CSMD3: variants seen among roughly 807,000 people sequenced by gnomAD.
CSMD3 encodes CUB and sushi domain-containing protein 3.
In CSMD3, 177 loss-of-function variants were observed where a neutral mutation model predicts 435.2. The observed-to-expected ratio is 0.41, with a 90% CI of 0.36 to 0.46. The LOEUF (loss-of-function observed/expected upper bound fraction) is 0.46, where lower values mean the gene tolerates loss of function less well. Ranked by LOEUF, CSMD3 falls within the 20% of genes least tolerant of loss-of-function variation. CSMD3 has a pLI of 0.34. For missense variants in CSMD3, 4,265 were observed against 4,504.6 expected (o/e 0.95, Z 1.52); for synonymous variants, 1,656 against 1,520.5 (o/e 1.09, Z -2.07).
chr8:112,329,997 T>C (rs552181258), intron 45 of CSMD3, among the ~76,000 whole-genome samples: 1 of 152,084 alleles, frequency 6.6e-6, no homozygotes, highest in South Asian at 2.1e-4. Context: ...TCTCTGGACA[T>C]CAAATAATAA....
chr8:113,162,302 G>A (rs1008853510), intron 4 of CSMD3, among the ~76,000 whole-genome samples: 5 of 151,792 alleles, frequency 3.3e-5, no homozygotes, highest in East Asian at 2.0e-4. Context: ...TAGGCCAGGC[G>A]CGGTAGCTCA....
In CSMD3 at chr8:113,153,134, G is replaced by GAAAGAGAAA. The variant is rs1564370995; in HGVS notation, c.709+20587_709+20588insTTTCTCTTT. Among the ~76,000 whole-genome samples, 340 of 94,038 alleles carry GAAAGAGAAA rather than the reference G, an allele frequency of 3.6e-3. 5 individuals carry two copies. The highest frequency in any genetic ancestry group is 0.02 in the African/African-American group (314 of 15,468). 61.7% of individuals were successfully genotyped at this position (94,038 alleles called of 152,430 possible). ...GAAAGAAAGAAAGAAAGAGAAAGAA[G>GAAAGAGAAA]GAAGGAAGGAAGGAAGGAAGGAAGG... On this transcript the variant is annotated intron_variant, in intron 4 of 70. Transcript: ENST00000297405.
intron 9 of CSMD3, among the ~76,000 whole-genome samples, chr8:112,930,648 C>T (rs1179113412): frequency 9.9e-5 from 15 of 152,018 alleles, no homozygotes; most frequent in Non-Finnish European, 2.1e-4. Context: ...TTCTAGTTTA[C>T]AAAGTACTTT....
At chr8:112,937,912 G>A (rs2083335541) in intron 9 of CSMD3, among the ~76,000 whole-genome samples, 3 of 152,064 alleles carry the variant, frequency 2.0e-5, no homozygotes, top group Admixed American at 1.3e-4. Context: ...TTCAAAAATA[G>A]AATAAATACT....
At chr8:113,312,956 A>C (rs530671769) in intron 2 of CSMD3, 1 of 152,326 alleles carries the variant, frequency 6.6e-6, no homozygotes, top group Non-Finnish European at 1.5e-5. Context: ...AAAGAAAAAT[A>C]GAATCTTAGC....
chr8:112,656,940 T>C (rs941910970), intron 17 of CSMD3, among the ~76,000 whole-genome samples: 1 of 152,114 alleles, frequency 6.6e-6, no homozygotes, highest in Non-Finnish European at 1.5e-5. Context: ...GCAGCTCTAT[T>C]AAAGACTTCA....
intron 6 of CSMD3, among the ~76,000 whole-genome samples, chr8:112,990,416 C>T (rs1241801710): frequency 6.6e-6 from 1 of 151,794 alleles, no homozygotes; most frequent in Non-Finnish European, 1.5e-5. Context: ...TTGTCTTTCA[C>T]AAGCCATGTT....
At chr8:112,273,078 C>A (rs1480969877) in intron 59 of CSMD3, among the ~76,000 whole-genome samples, 2 of 152,102 alleles carry the variant, frequency 1.3e-5, no homozygotes, top group Non-Finnish European at 2.9e-5. Context: ...CTATGTTATT[C>A]ATAATCAATC....
chr8:113,153,039 AAAAAG>A (rs1449428036), intron 4 of CSMD3, among the ~76,000 whole-genome samples: 9 of 150,150 alleles, frequency 6.0e-5, no homozygotes, highest in East Asian at 2.0e-4. Context: ...AAAAGAAAGA[AAAAAG>A]AAAAGAAGAG....
At chr8:113,030,688 C>T (rs2087069559) in intron 5 of CSMD3, among the ~76,000 whole-genome samples, 2 of 151,108 alleles carry the variant, frequency 1.3e-5, no homozygotes, top group Admixed American at 1.3e-4. Flanking sequence ...AAATTAAACA[C>T]TTCTGCTATG....
At chr8:113,002,292 G>A (rs2085893517) in intron 6 of CSMD3, among the ~76,000 whole-genome samples, 1 of 151,954 alleles carries the variant, frequency 6.6e-6, no homozygotes. Flanking sequence ...CTCATAATAA[G>A]AAATCTTATA....
At chr8:112,956,840 CA>C (rs1446771989) in intron 7 of CSMD3, among the ~76,000 whole-genome samples, 7 of 151,918 alleles carry the variant, frequency 4.6e-5, no homozygotes, top group African/African-American at 1.7e-4. Context: ...ATCTATATGT[CA>C]ATTTATCTTT....
Position 113,203,028 on chromosome 8 carries a change from T to C in CSMD3, c.515-29112A>G, listed in dbSNP as rs1442564052. On this transcript the variant is annotated intron_variant, in intron 3 of 70. Transcript: ENST00000297405. Reference sequence around the variant, plus strand: ...AGAAACCCATATTTTTTCAACTGAATTGAAAAATAAGTTCTAGAGTTCTGT... The same window carrying C: ...AGAAACCCATATTTTTTCAACTGAACTGAAAAATAAGTTCTAGAGTTCTGT... Among the ~76,000 whole-genome samples, 6 of 152,192 alleles carry C rather than the reference T, an allele frequency of 3.9e-5. No homozygotes were observed. In the East Asian group the frequency reaches 5.8e-4, roughly 15 times the overall value.
At chr8:112,304,592 C>G (rs751696350) in intron 52 of CSMD3, 129 bp downstream of exon 52, 1 of 723,256 alleles carries the variant, frequency 1.4e-6, no homozygotes, top group Non-Finnish European at 2.4e-6. Context: ...AAAAACGTAA[C>G]GAGAATAAAT....
At chr8:112,515,326 A>G (rs1330700672) in intron 28 of CSMD3, among the ~76,000 whole-genome samples, 1 of 152,100 alleles carries the variant, frequency 6.6e-6, no homozygotes, top group Non-Finnish European at 1.5e-5. Flanking sequence ...GTGTTTTATA[A>G]TTTATTCTTT....
intron 13 of CSMD3, among the ~76,000 whole-genome samples, chr8:112,763,088 T>C (rs922031544): frequency 2.6e-4 from 40 of 151,792 alleles, no homozygotes; most frequent in African/African-American, 9.4e-4. Context: ...AGGTAACATA[T>C]ATATTAATTA....
intron 24 of CSMD3, among the ~76,000 whole-genome samples, chr8:112,571,109 G>T (rs868477031): frequency 1.3e-5 from 2 of 152,176 alleles, no homozygotes; most frequent in Non-Finnish European, 2.9e-5. Flanking sequence ...CCAGGTTCAA[G>T]CGGTTCTCCT....
chr8:112,293,157 G>A (rs1020342370), intron 54 of CSMD3, among the ~76,000 whole-genome samples: 3 of 151,952 alleles, frequency 2.0e-5, no homozygotes, highest in Non-Finnish European at 4.4e-5. Flanking sequence ...TTGGGAGGCC[G>A]GGGTGGGAGG....
chr8:113,300,255 A>G (rs2093755596), intron 2 of CSMD3, among the ~76,000 whole-genome samples: 1 of 152,056 alleles, frequency 6.6e-6, no homozygotes, highest in Non-Finnish European at 1.5e-5. Flanking sequence ...TTCAACCTCT[A>G]TGGAAAACCA....
Sources: allele counts gnomAD v4.1 joint callset (sites outside exome capture counted in the v4.1 genomes callset), GRCh38; gene constraint gnomAD v4.1.1; transcripts MANE v1.5; gene names NCBI Gene and HGNC (gene_info 2026-07-23, HGNC 2026-07-21).